Variants in ARMC2 observed in about 807,000 individuals in gnomAD.
The protein encoded by ARMC2 is armadillo repeat containing 2.
Under a neutral mutation model 90.3 loss-of-function variants are expected in ARMC2, and 67 were observed. The ratio of observed to expected loss-of-function variants is 0.74; its 90% confidence interval spans 0.61 to 0.91. The LOEUF (loss-of-function observed/expected upper bound fraction) is 0.91. ARMC2 is among the 40% of genes least tolerant of loss of function. ARMC2 has a pLI of 0.00. For synonymous variants in ARMC2, 393 were observed against 393.0 expected (o/e 1.00, Z 0.00); for missense variants, 920 against 1,030.9 (o/e 0.89, Z 1.47).
At chr6:108,885,506 T>C in intron 5 of ARMC2, among the ~76,000 whole-genome samples, 1 of 151,984 alleles carries the variant, frequency 6.6e-6, no homozygotes, top group East Asian at 1.9e-4. Flanking sequence ...ATGCCCAACA[T>C]GGTGAAATCA....
the ARMC2 span, among the ~76,000 whole-genome samples, chr6:109,016,108 T>C: frequency 1.3e-5 from 2 of 152,254 alleles, no homozygotes; most frequent in Non-Finnish European, 1.5e-5. Context: ...ATAGGATTTT[T>C]ACCCGTGGTT....
At chr6:108,991,052 T>G in the ARMC2 span, among the ~76,000 whole-genome samples, 1 of 147,514 alleles carries the variant, frequency 6.8e-6, no homozygotes, top group Non-Finnish European at 1.5e-5. Context: ...GTTTAAAAAC[T>G]AATAGTCTCA....
chr6:109,014,576 AAGAC>A, the ARMC2 span, among the ~76,000 whole-genome samples: 1 of 152,204 alleles, frequency 6.6e-6, no homozygotes, highest in African/African-American at 2.4e-5. Context: ...AGAGGGTAGA[AAGAC>A]AGAAAAATTT....
At chr6:108,937,474 A>C (rs1776047871) in intron 12 of ARMC2, among the ~76,000 whole-genome samples, 1 of 152,162 alleles carries the variant, frequency 6.6e-6, no homozygotes, top group Non-Finnish European at 1.5e-5. Flanking sequence ...GTTCCCCTGC[A>C]CTGGATAGTC....
intron 5 of ARMC2, 125 bp downstream of exon 5, chr6:108,876,475 G>T: frequency 1.1e-6 from 1 of 923,534 alleles, no homozygotes; most frequent in South Asian, 1.6e-5. Flanking sequence ...TATGTTAAGG[G>T]TACATGAATA....
At chr6:108,942,453 C>T (rs1224426635) in intron 12 of ARMC2, among the ~76,000 whole-genome samples, 4 of 152,134 alleles carry the variant, frequency 2.6e-5, no homozygotes, top group Admixed American at 1.3e-4. Context: ...TGTTTTTCCT[C>T]TTAATGTTCT....
intron 13 of ARMC2, among the ~76,000 whole-genome samples, chr6:108,953,802 T>G (rs1777370719): frequency 6.6e-6 from 1 of 152,224 alleles, no homozygotes; most frequent in Non-Finnish European, 1.5e-5. Context: ...TCTTACATTA[T>G]TTGTAATTAC....
chr6:108,891,179 T>A (rs1562358232), intron 5 of ARMC2, among the ~76,000 whole-genome samples: 1 of 152,204 alleles, frequency 6.6e-6, no homozygotes, highest in African/African-American at 2.4e-5. Context: ...GGTTCCAAGT[T>A]TTTGCTATTG....
At chr6:109,005,709 T>A in the ARMC2 span, among the ~76,000 whole-genome samples, 1 of 152,190 alleles carries the variant, frequency 6.6e-6, no homozygotes, top group Admixed American at 6.5e-5. Flanking sequence ...CTGTCTCCCC[T>A]CTTCCTTAGC....
At chr6:109,028,873 G>A in the ARMC2 span, among the ~76,000 whole-genome samples, 1 of 152,078 alleles carries the variant, frequency 6.6e-6, no homozygotes, top group African/African-American at 2.4e-5. Context: ...TGCAGCTGAA[G>A]AAATGAAAAA....
At chr6:108,872,310 C>T (rs1167274761) in intron 4 of ARMC2, among the ~76,000 whole-genome samples, 3 of 152,212 alleles carry the variant, frequency 2.0e-5, no homozygotes, top group Non-Finnish European at 4.4e-5. Flanking sequence ...CTGGAGGTGG[C>T]ACTGCTGTGA....
the ARMC2 span, among the ~76,000 whole-genome samples, chr6:109,038,983 A>G: frequency 2.6e-5 from 4 of 151,272 alleles, no homozygotes; most frequent in African/African-American, 9.7e-5. Flanking sequence ...AAGAAAAAGA[A>G]GAAGGAGGAG....
the ARMC2 span, among the ~76,000 whole-genome samples, chr6:109,003,550 A>G: frequency 6.6e-6 from 1 of 152,204 alleles, no homozygotes; most frequent in African/African-American, 2.4e-5. Context: ...ATTTGCCAAC[A>G]GAATTCATAA....
the ARMC2 span, chr6:109,009,052 T>G: frequency 3.2e-6 from 3 of 951,622 alleles, no homozygotes; most frequent in Admixed American, 5.2e-5. Flanking sequence ...GACAATGTTA[T>G]TTACGTATTG....
the ARMC2 span, among the ~76,000 whole-genome samples, chr6:109,025,264 G>T: frequency 2.6e-5 from 4 of 151,930 alleles, no homozygotes; most frequent in Admixed American, 2.6e-4. Flanking sequence ...ACACAAGGTG[G>T]ATCACACATA....
the ARMC2 span, among the ~76,000 whole-genome samples, chr6:108,982,551 G>A: frequency 1.2e-3 from 179 of 152,262 alleles, no homozygotes; most frequent in Middle Eastern, 0.014. Flanking sequence ...AACCTCCATC[G>A]TGTTTAAGTG....
chr6:109,010,453 A>T, the ARMC2 span, among the ~76,000 whole-genome samples: 169 of 152,328 alleles, frequency 1.1e-3, 1 homozygote, highest in African/African-American at 3.9e-3. Context: ...AAACAAAAAA[A>T]GTTGGAACAT....
intron 4 of ARMC2, among the ~76,000 whole-genome samples, chr6:108,871,865 C>T (rs1215051358): frequency 6.6e-6 from 1 of 152,184 alleles, no homozygotes; most frequent in Non-Finnish European, 1.5e-5. Flanking sequence ...TTTTATCCAC[C>T]CTGTTTGCAG....
At chr6:108,943,948 C>T (rs1776631587) in intron 12 of ARMC2, among the ~76,000 whole-genome samples, 1 of 152,150 alleles carries the variant, frequency 6.6e-6, no homozygotes, top group Admixed American at 6.5e-5. Context: ...GCTCAGGCCC[C>T]ACCCAGAGAG....
Sources: gnomAD v4.1 joint callset for allele counts (sites outside exome capture counted in the v4.1 genomes callset) on GRCh38, gnomAD v4.1.1 for gene constraint, MANE v1.5 for transcripts, NCBI Gene and HGNC (gene_info 2026-07-23, HGNC 2026-07-21) for gene names.